Variants in FHIT observed in about 807,000 individuals in gnomAD.
FHIT encodes bis(5'-adenosyl)-triphosphatase.
In FHIT, 19 loss-of-function variants were observed where a neutral mutation model predicts 17.9. The observed-to-expected ratio is 1.06, with a 90% confidence interval of 0.74 to 1.56. FHIT has a LOEUF of 1.56. Ranked by LOEUF, FHIT falls within the 40% of genes most tolerant of loss-of-function variation. The pLI is 0.00. For synonymous variants in FHIT, 81 were observed against 69.7 expected (o/e 1.16, Z -0.81); for missense variants, 248 against 189.2 (o/e 1.31, Z -1.82).
intron 5 of FHIT, among the ~76,000 whole-genome samples, chr3:60,105,003 C>G (rs1704347805): frequency 6.6e-6 from 1 of 152,178 alleles, no homozygotes. Flanking sequence ...AATAATGGAG[C>G]TCAATTAAGC....
chr3:61,152,687 T>G (rs1488159266), intron 2 of FHIT, among the ~76,000 whole-genome samples: 1 of 152,258 alleles, frequency 6.6e-6, no homozygotes. Flanking sequence ...GGTCTTTGTC[T>G]TAAAAGCAAT....
At chr3:60,671,292 A>C (rs1003498322) in intron 4 of FHIT, among the ~76,000 whole-genome samples, 2 of 152,112 alleles carry the variant, frequency 1.3e-5, no homozygotes, top group Non-Finnish European at 2.9e-5. Context: ...TAAAAGTATA[A>C]ATTATTTGGT....
At chr3:60,862,865 A>AG (rs1320425327) in intron 3 of FHIT, among the ~76,000 whole-genome samples, 2 of 151,966 alleles carry the variant, frequency 1.3e-5, no homozygotes, top group Non-Finnish European at 2.9e-5. Context: ...AAAAAAAAAA[A>AG]AAAGATTCCT....
chr3:60,642,155 GC>G (rs112466751), intron 4 of FHIT, among the ~76,000 whole-genome samples: 3,233 of 152,142 alleles, frequency 0.021, 124 homozygotes, highest in African/African-American at 0.072. Context: ...CATTGACCAA[GC>G]CCAAACTGGA....
chr3:60,041,608 C>T (rs1187681564), intron 5 of FHIT, among the ~76,000 whole-genome samples: 3 of 152,110 alleles, frequency 2.0e-5, no homozygotes, highest in Admixed American at 2.0e-4. Context: ...TCTATGGGAC[C>T]CCACTTCTGT....
At chr3:60,206,676 G>A (rs1316756488) in intron 5 of FHIT, among the ~76,000 whole-genome samples, 2 of 152,074 alleles carry the variant, frequency 1.3e-5, no homozygotes, top group Admixed American at 6.5e-5. Flanking sequence ...AGAGGTGGAC[G>A]GTTCTACCAT....
chr3:61,126,522 C>T (rs1453900374), intron 2 of FHIT, among the ~76,000 whole-genome samples: 4 of 152,060 alleles, frequency 2.6e-5, no homozygotes, highest in African/African-American at 4.8e-5. Flanking sequence ...ATAAAACCAT[C>T]AGATCTTGTG....
intron 4 of FHIT, among the ~76,000 whole-genome samples, chr3:60,657,053 A>C (rs914107055): frequency 6.6e-6 from 1 of 152,172 alleles, no homozygotes; most frequent in South Asian, 2.1e-4. Flanking sequence ...ACTTAGAGCC[A>C]CTCAGAAGGC....
intron 5 of FHIT, among the ~76,000 whole-genome samples, chr3:60,046,923 A>G (rs1019834641): frequency 6.6e-6 from 1 of 152,216 alleles, no homozygotes; most frequent in Non-Finnish European, 1.5e-5. Flanking sequence ...CAAGATAACA[A>G]AAAGTTATGC....
At chr3:60,149,701 C>T (rs1374652081) in intron 5 of FHIT, among the ~76,000 whole-genome samples, 3 of 151,910 alleles carry the variant, frequency 2.0e-5, no homozygotes, top group Non-Finnish European at 2.9e-5. Flanking sequence ...TCTATAAGGT[C>T]GCAGTAGAAT....
chr3:60,131,895 G>A (rs1025361643), intron 5 of FHIT, among the ~76,000 whole-genome samples: 1 of 152,082 alleles, frequency 6.6e-6, no homozygotes, highest in Non-Finnish European at 1.5e-5. Flanking sequence ...CATTGCATCA[G>A]AAATAAAATC....
chr3:60,129,163 C>T (rs921399783), intron 5 of FHIT, among the ~76,000 whole-genome samples: 3 of 146,146 alleles, frequency 2.1e-5, no homozygotes, highest in African/African-American at 7.5e-5. Context: ...AACAATTCTT[C>T]TGCCTCAGCC....
At chr3:59,847,547 T>C (rs1196125031) in intron 8 of FHIT, among the ~76,000 whole-genome samples, 1 of 152,190 alleles carries the variant, frequency 6.6e-6, no homozygotes, top group Non-Finnish European at 1.5e-5. Context: ...AGTTTAAGTA[T>C]CTGGCTAATG....
chr3:60,212,633 G>C (rs1703507960), intron 5 of FHIT, among the ~76,000 whole-genome samples: 1 of 152,050 alleles, frequency 6.6e-6, no homozygotes, highest in Non-Finnish European at 1.5e-5. Context: ...ACAATCTAAT[G>C]AATTAGTAAG....
intron 5 of FHIT, among the ~76,000 whole-genome samples, chr3:60,232,142 T>C (rs973660500): frequency 3.9e-5 from 6 of 152,188 alleles, no homozygotes; most frequent in African/African-American, 1.4e-4. Flanking sequence ...CCTGATGTCA[T>C]TTGTTCATGC....
intron 2 of FHIT, among the ~76,000 whole-genome samples, chr3:61,099,793 A>T (rs969555632): frequency 6.6e-6 from 1 of 150,756 alleles, no homozygotes; most frequent in Non-Finnish European, 1.5e-5. Context: ...TGCTTATTTG[A>T]ATCTTCTCTC....
chr3:60,730,278 G>C, intron 4 of FHIT: 1 of 263,036 alleles, frequency 3.8e-6, no homozygotes, highest in South Asian at 5.4e-5. Flanking sequence ...GTTTGTTCTG[G>C]TGAGCTTCTG....
intron 8 of FHIT, among the ~76,000 whole-genome samples, chr3:59,915,401 A>G (rs184421742): frequency 6.6e-6 from 1 of 152,262 alleles, no homozygotes; most frequent in East Asian, 1.9e-4. Flanking sequence ...AACATAGGAG[A>G]GCAATTTTGG....
At chr3:61,054,924 C>G (rs1005224450) in intron 2 of FHIT, among the ~76,000 whole-genome samples, 2 of 152,194 alleles carry the variant, frequency 1.3e-5, no homozygotes, top group Non-Finnish European at 2.9e-5. Flanking sequence ...TGCTATTCCT[C>G]TGCTGCTCTC....
Sources: gnomAD v4.1 joint callset for allele counts (sites outside exome capture counted in the v4.1 genomes callset) on GRCh38, gnomAD v4.1.1 for gene constraint, MANE v1.5 for transcripts, NCBI Gene and HGNC (gene_info 2026-07-23, HGNC 2026-07-21) for gene names.